CLIC4: variants seen among roughly 807,000 people sequenced by gnomAD.
The protein encoded by CLIC4 is chloride intracellular channel protein 4.
A neutral mutation model predicts 24.6 loss-of-function variants in CLIC4; 13 were observed. That is an observed-to-expected ratio of 0.53 (90% CI 0.34 to 0.84). The LOEUF is 0.84. Among genes scored for constraint, CLIC4 ranks in the 40% least tolerant of loss-of-function variants. The probability of loss-of-function intolerance (pLI) is 0.01; values close to 1 mark genes in which losing one functional copy is unlikely to be tolerated. For synonymous variants in CLIC4, 104 were observed against 111.3 expected, an observed-to-expected ratio of 0.93 and a Z score of 0.41; for missense variants, 227 against 301.7, an observed-to-expected ratio of 0.75 and a Z score of 1.83.
intron 3 of CLIC4, among the ~76,000 whole-genome samples, chr1:24,825,720 A>G (rs1433706616): frequency 6.6e-6 from 1 of 152,242 alleles, no homozygotes. Flanking sequence ...TTTAGAAGAT[A>G]TATCTCTTCC....
intron 1 of CLIC4, among the ~76,000 whole-genome samples, chr1:24,774,848 A>G (rs148474627): frequency 0.019 from 2,828 of 152,284 alleles, 36 homozygotes; most frequent in Non-Finnish European, 0.027. Context: ...AGGTGGGTGG[A>G]TCACCTGAGG....
Position 24,826,997 on chromosome 1 carries a change from T to C in CLIC4, c.309-13T>C. 1 of 1,569,842 alleles carries C rather than the reference T, an allele frequency of 6.4e-7. No homozygotes were observed. Among genetic ancestry groups the C allele is most frequent in the South Asian group, 1.2e-5 (1 of 86,822 alleles). The stretch of plus-strand genomic sequence containing the variant: ...TTGAAGGATCTATAATCCATATCAC[T>C]TTTTCTATTTAGGTACTTAAAGCTT... On this transcript the variant is annotated splice_polypyrimidine_tract_variant and intron_variant, in intron 3 of 5. Transcript: ENST00000374379.
At chr1:24,757,744 T>C (rs1638869822) in intron 1 of CLIC4, among the ~76,000 whole-genome samples, 1 of 152,196 alleles carries the variant, frequency 6.6e-6, no homozygotes, top group Non-Finnish European at 1.5e-5. Context: ...ATGAATTTTT[T>C]TCTTTTTCTT....
chr1:24,821,764 T>C (rs1056653025), intron 3 of CLIC4, among the ~76,000 whole-genome samples: 1 of 151,950 alleles, frequency 6.6e-6, no homozygotes, highest in East Asian at 1.9e-4. Context: ...TCAATTGGAG[T>C]CTGAGAACAG....
intron 1 of CLIC4, among the ~76,000 whole-genome samples, chr1:24,764,375 C>T (rs981751126): frequency 6.6e-6 from 1 of 151,424 alleles, no homozygotes; most frequent in Admixed American, 6.6e-5. Flanking sequence ...GCTGGGATTA[C>T]AGGTGTGAGC....
At chr1:24,837,789 G>A (rs192323103) in intron 4 of CLIC4, among the ~76,000 whole-genome samples, 5 of 152,274 alleles carry the variant, frequency 3.3e-5, no homozygotes, top group East Asian at 3.9e-4. Context: ...CCAGGCAGGC[G>A]GATCACTTGA....
At chr1:24,745,936 C>T (rs886998458) in intron 1 of CLIC4, among the ~76,000 whole-genome samples, 3 of 150,482 alleles carry the variant, frequency 2.0e-5, no homozygotes, top group Non-Finnish European at 4.5e-5. Context: ...ACTTGCCTGC[C>T]CCGGGGCCCC....
intron 1 of CLIC4, among the ~76,000 whole-genome samples, chr1:24,783,987 C>A (rs1195632362): frequency 1.3e-5 from 2 of 150,476 alleles, no homozygotes; most frequent in Admixed American, 6.6e-5. Flanking sequence ...GGGCAAACTT[C>A]TTCATTCCAG....
intron 1 of CLIC4, among the ~76,000 whole-genome samples, chr1:24,754,569 G>A (rs1318209256): frequency 6.6e-6 from 1 of 152,110 alleles, no homozygotes; most frequent in African/African-American, 2.4e-5. Context: ...TGTTTTAGAC[G>A]CTTGCATAGA....
In CLIC4 at chr1:24,796,829, C is replaced by T. The variant is rs529753193; in HGVS notation, c.73-913C>T. 9.8e-5 allele frequency among the ~76,000 whole-genome samples: 15 copies of T among 152,310 alleles called. No homozygotes were observed. In the East Asian group the frequency reaches 2.9e-3, roughly 29 times the overall value. Reference sequence around the variant, plus strand: ...TTGAACTAGCCCCATTACATACTCCCTAGCCACATATTGCTAGTGGCTACC... The same window carrying T: ...TTGAACTAGCCCCATTACATACTCCTTAGCCACATATTGCTAGTGGCTACC... On this transcript the variant is annotated intron_variant, in intron 1 of 5. Coordinates refer to ENST00000374379, the MANE Select transcript of CLIC4 (RefSeq NM_013943.3).
chr1:24,835,494 C>T (rs749824459), intron 4 of CLIC4, among the ~76,000 whole-genome samples: 5 of 152,092 alleles, frequency 3.3e-5, no homozygotes, highest in African/African-American at 1.2e-4. Context: ...AACTGGGAGG[C>T]GGAGGTTGCA....
rs1291323428 is a variant in CLIC4, at chr1:24,843,664, G to A, written c.*2727G>A. On this transcript the variant is annotated 3_prime_UTR_variant, in exon 6 of 6. Transcript: ENST00000374379. ...AAATTCAAATAAGATTTTATTTCTTGGTAATTTTGGCTTTCACAATTTATC... is the reference window on the plus strand; with the variant it reads ...AAATTCAAATAAGATTTTATTTCTTAGTAATTTTGGCTTTCACAATTTATC... 3 of 152,152 alleles carry A rather than the reference G, an allele frequency of 2.0e-5. No homozygotes were observed. 9.4% of individuals were successfully genotyped at this position (152,152 alleles called of 1,614,324 possible). A position where few individuals can be genotyped will look rare whatever the true frequency, so the allele number is the denominator to read the frequency against.
In CLIC4 at chr1:24,840,031, A is replaced by G. The variant is rs1186036946; in HGVS notation, c.587A>G (p.His196Arg). ...LADCNLLPKLHIVKVVAKKYR... is the reference protein window; with the variant it reads ...LADCNLLPKLRIVKVVAKKYR... ...GATTGCAACCTGCTGCCCAAACTGC[A>G]TATTGTCAAGGTAGGTCTGTAGGGG... is the stretch of plus-strand genomic sequence containing the variant. Residue 196 changes from histidine to arginine, a missense_variant, in exon 5 of 6, where the codon CAT (histidine) becomes CGT (arginine). Physicochemically the swap from His to Arg is conservative, Grantham distance 29. Transcript: ENST00000374379. The G allele has an allele frequency of 3.1e-6, 5 of 1,613,848 alleles. No individual in the cohort carries two copies. In the African/African-American group the frequency reaches 4.0e-5, roughly 13 times the overall value.
At chr1:24,785,441 A>G (rs1639255497) in intron 1 of CLIC4, among the ~76,000 whole-genome samples, 1 of 152,238 alleles carries the variant, frequency 6.6e-6, no homozygotes, top group South Asian at 2.1e-4. Context: ...TCAGGATTCA[A>G]ACCTAGGTAT....
intron 1 of CLIC4, among the ~76,000 whole-genome samples, chr1:24,748,194 T>C (rs1638728960): frequency 6.6e-6 from 1 of 152,184 alleles, no homozygotes; most frequent in African/African-American, 2.4e-5. Flanking sequence ...TCAGTTAGAA[T>C]AGCAGAGGGG....
At chr1:24,751,207 C>CTTTTT (rs563478354) in intron 1 of CLIC4, among the ~76,000 whole-genome samples, 1 of 109,046 alleles carries the variant, frequency 9.2e-6, no homozygotes, top group African/African-American at 3.3e-5. Flanking sequence ...TACTTCCAGT[C>CTTTTT]TTTTTTTTTT....
chr1:24,770,080 T>A (rs1324928812), intron 1 of CLIC4, among the ~76,000 whole-genome samples: 3 of 152,098 alleles, frequency 2.0e-5, no homozygotes, highest in Non-Finnish European at 2.9e-5. Flanking sequence ...AAGATGGTCT[T>A]GAACTCCTGG....
rs1376163567 is a variant in CLIC4, at chr1:24,842,153, C to A, written c.*1216C>A. The A allele has an allele frequency of 9.2e-5, 14 of 152,028 alleles. No homozygotes were observed. Among genetic ancestry groups the A allele is most frequent in the Admixed American group, 7.9e-4 (12 of 15,258 alleles). 9.4% of individuals were successfully genotyped at this position (152,028 alleles called of 1,614,324 possible). A position where few individuals can be genotyped will look rare whatever the true frequency, so the allele number is the denominator to read the frequency against. The stretch of plus-strand genomic sequence containing the variant: ...TTGCCTGATCTCACTCATTGCACTT[C>A]CTGGAGTTAAATTTTCCAACAGCCA... On this transcript the variant is annotated 3_prime_UTR_variant, in exon 6 of 6. Coordinates refer to ENST00000374379, the MANE Select transcript of CLIC4 (RefSeq NM_013943.3).
chr1:24,762,888 A>G (rs1171940412), intron 1 of CLIC4, among the ~76,000 whole-genome samples: 1 of 152,196 alleles, frequency 6.6e-6, no homozygotes, highest in Non-Finnish European at 1.5e-5. Context: ...AAGGCTTTAA[A>G]AAGTATGAGC....
Sources: gnomAD v4.1 joint callset for allele counts (sites outside exome capture counted in the v4.1 genomes callset) on GRCh38, gnomAD v4.1.1 for gene constraint, MANE v1.5 for transcripts, NCBI Gene and HGNC (gene_info 2026-07-23, HGNC 2026-07-21) for gene names.